Variants in ZEB1 observed in about 807,000 individuals in gnomAD.
The protein encoded by ZEB1 is zinc finger E-box binding homeobox 1, also known as zinc finger E-box-binding homeobox 1.
Under a neutral mutation model 84.9 loss-of-function variants are expected in ZEB1, and 21 were observed. The observed-to-expected ratio is 0.25, with a 90% CI of 0.18 to 0.36. The LOEUF (loss-of-function observed/expected upper bound fraction) is 0.36. Ranked by LOEUF, ZEB1 falls within the 10% of genes least tolerant of loss-of-function variation. The pLI is 1.00. For synonymous variants in ZEB1, 420 were observed against 471.1 expected (o/e 0.89, Z 1.41); for missense variants, 1,104 against 1,330.2 (o/e 0.83, Z 2.65).
At chr10:31,477,161 C>T (rs914310804) in intron 2 of ZEB1, among the ~76,000 whole-genome samples, 1 of 151,874 alleles carries the variant, frequency 6.6e-6, no homozygotes, top group Non-Finnish European at 1.5e-5. Flanking sequence ...CCTAGAAAAT[C>T]CTAAAGACTC....
Position 31,502,365 on chromosome 10 carries a change from G to A in ZEB1, c.340G>A (p.Glu114Lys), listed in dbSNP as rs369476602. The change falls in exon 4 of 9, where the codon GAG (glutamate) becomes AAG (lysine). Residue 114 changes from glutamate to lysine, a missense_variant. By Grantham distance (56) the Glu-to-Lys change is moderately conservative. Transcript: ENST00000424869. The part of the protein sequence containing the change: ...AGCTVKDDEC[E>K]SDAENEQNHD... ...TTTTTTAGTAAAAGATGATGAATGC[G>A]AGTCAGATGCAGAAAATGAGCAAAA... is the stretch of plus-strand genomic sequence containing the variant. 1.4e-5 allele frequency: 23 copies of A among 1,613,600 alleles called. No homozygotes were observed. The highest frequency in any genetic ancestry group is 4.5e-5 in the East Asian group (2 of 44,846).
At chr10:31,384,782 G>T (rs1461202994) in intron 1 of ZEB1, among the ~76,000 whole-genome samples, 3 of 152,160 alleles carry the variant, frequency 2.0e-5, no homozygotes, top group Non-Finnish European at 4.4e-5. Context: ...TAAGTTTCTA[G>T]TCAGTTCCTC....
chr10:31,438,903 TAGAG>T (rs1219118198), intron 1 of ZEB1, among the ~76,000 whole-genome samples: 3 of 152,224 alleles, frequency 2.0e-5, no homozygotes, highest in East Asian at 1.9e-4. Flanking sequence ...CATGCATACA[TAGAG>T]AGCCAGCAAA....
At chr10:31,379,017 G>C (rs558458044) in intron 1 of ZEB1, among the ~76,000 whole-genome samples, 2 of 151,994 alleles carry the variant, frequency 1.3e-5, no homozygotes, top group African/African-American at 4.8e-5. Context: ...TTAAATACCT[G>C]AGTACCTACT....
intron 7 of ZEB1, among the ~76,000 whole-genome samples, chr10:31,522,340 T>G (rs985483139): frequency 1.3e-5 from 2 of 152,244 alleles, no homozygotes; most frequent in Admixed American, 1.3e-4. Flanking sequence ...ATTCACAGGT[T>G]CATACCAGGC....
At chr10:31,410,530 G>C (rs892435500) in intron 1 of ZEB1, among the ~76,000 whole-genome samples, 1 of 152,144 alleles carries the variant, frequency 6.6e-6, no homozygotes, top group Admixed American at 6.5e-5. Context: ...AAATGAGTTA[G>C]GGAGGAGTCC....
At chr10:31,391,231 T>G (rs202062212) in intron 1 of ZEB1, among the ~76,000 whole-genome samples, 1 of 134,690 alleles carries the variant, frequency 7.4e-6, no homozygotes, top group Non-Finnish European at 1.6e-5. Flanking sequence ...ACAGGTAAGT[T>G]TGTGTGTGTG....
intron 1 of ZEB1, among the ~76,000 whole-genome samples, chr10:31,320,869 G>A (rs1400269051): frequency 6.6e-6 from 1 of 152,180 alleles, no homozygotes; most frequent in Admixed American, 6.5e-5. Context: ...GCCCCCGCCT[G>A]CGCCGCCCCG....
chr10:31,473,758 C>A (rs1452547455), intron 2 of ZEB1, among the ~76,000 whole-genome samples: 21 of 150,456 alleles, frequency 1.4e-4, no homozygotes, highest in Non-Finnish European at 3.0e-4. Flanking sequence ...CCAAGTCAAT[C>A]CTAAGCCAAA....
chr10:31,363,917 G>A (rs1296257217), intron 1 of ZEB1: 18 of 1,311,808 alleles, frequency 1.4e-5, no homozygotes, highest in Non-Finnish European at 1.7e-5. Flanking sequence ...CCCCGGGCAG[G>A]CACAGGTGCA....
chr10:31,476,318 G>T (rs909772603), intron 2 of ZEB1, among the ~76,000 whole-genome samples: 3 of 151,932 alleles, frequency 2.0e-5, no homozygotes, highest in Non-Finnish European at 2.9e-5. Context: ...CTCATCAGGG[G>T]TTACTATGAG....
At chr10:31,364,191 T>C (rs576253570) in intron 1 of ZEB1, among the ~76,000 whole-genome samples, 1 of 152,196 alleles carries the variant, frequency 6.6e-6, no homozygotes, top group Admixed American at 6.5e-5. Flanking sequence ...AGAGCCAGTG[T>C]GTGGAGGAGT....
intron 1 of ZEB1, among the ~76,000 whole-genome samples, chr10:31,444,289 G>C (rs916789163): frequency 1.5e-5 from 2 of 129,166 alleles, no homozygotes; most frequent in African/African-American, 3.0e-5. Flanking sequence ...ATTTGTTTGA[G>C]TTCATTGTAG....
intron 1 of ZEB1, among the ~76,000 whole-genome samples, chr10:31,372,757 T>C (rs1379225162): frequency 6.6e-6 from 1 of 152,036 alleles, no homozygotes; most frequent in Non-Finnish European, 1.5e-5. Context: ...TATAATCTAA[T>C]ACCATTTTTA....
intron 1 of ZEB1, among the ~76,000 whole-genome samples, chr10:31,327,099 CTT>C (rs71527629): frequency 0.12 from 10,236 of 84,988 alleles, 425 homozygotes; most frequent in African/African-American, 0.31. Context: ...CTTTTCTTTT[CTT>C]TTTTTTTTTT....
rs754135071 is a variant in ZEB1, at chr10:31,521,652, G to A, written c.2320G>A (p.Ala774Thr). 30 of 1,613,844 alleles carry A rather than the reference G, an allele frequency of 1.9e-5. No individual in the cohort carries two copies. Among genetic ancestry groups the A allele is most frequent in the South Asian group, 9.9e-5 (9 of 91,074 alleles). The change falls in exon 7 of 9, where the codon GCA becomes ACA. Residue 774 changes from alanine to threonine, a missense_variant. Coordinates refer to ENST00000424869, the MANE Select transcript of ZEB1 (RefSeq NM_001174096.2). ...VQEEPLNLSC[A>T]KKEPQKDSCV... ...GGAAGAACCCTTGAACTTGTCTTGCGCAAAAAAGGAGCCACAAAAGGACAG... is the reference window on the plus strand; with the variant it reads ...GGAAGAACCCTTGAACTTGTCTTGCACAAAAAAGGAGCCACAAAAGGACAG...
intron 1 of ZEB1, among the ~76,000 whole-genome samples, chr10:31,446,398 GTC>G (rs1327158001): frequency 1.3e-5 from 2 of 151,480 alleles, no homozygotes; most frequent in Non-Finnish European, 2.9e-5. Context: ...AGGGTTTTTT[GTC>G]TCTCTATTTC....
intron 1 of ZEB1, among the ~76,000 whole-genome samples, chr10:31,353,883 T>A (rs142207570): frequency 6.6e-6 from 1 of 152,230 alleles, no homozygotes; most frequent in African/African-American, 2.4e-5. Context: ...TGTCCTGATT[T>A]GTTCTTGAAG....
intron 3 of ZEB1, among the ~76,000 whole-genome samples, chr10:31,499,776 T>C (rs766289479): frequency 6.6e-6 from 1 of 151,526 alleles, no homozygotes; most frequent in Non-Finnish European, 1.5e-5. Context: ...AAAAAAAAAA[T>C]AGAAATTATC....
Sources: gnomAD v4.1 joint callset for allele counts (sites outside exome capture counted in the v4.1 genomes callset) on GRCh38, gnomAD v4.1.1 for gene constraint, MANE v1.5 for transcripts, NCBI Gene and HGNC (gene_info 2026-07-23, HGNC 2026-07-21) for gene names.